PIP4K2A: variants seen among roughly 807,000 people sequenced by gnomAD.
The protein encoded by PIP4K2A is phosphatidylinositol 5-phosphate 4-kinase type-2 alpha.
A neutral mutation model predicts 42.9 loss-of-function variants in PIP4K2A; 14 were observed. The ratio of observed to expected loss-of-function variants is 0.33; its 90% confidence interval spans 0.22 to 0.51. The LOEUF is 0.51. Ranked by LOEUF, PIP4K2A falls within the 20% of genes least tolerant of loss-of-function variation. The pLI is 0.97. For missense variants in PIP4K2A, 434 were observed against 519.8 expected (o/e 0.83, Z 1.61); for synonymous variants, 192 against 192.2 (o/e 1.00, Z 0.01).
chr10:22,551,401 A>G (rs1836408030), intron 6 of PIP4K2A, among the ~76,000 whole-genome samples: 1 of 152,204 alleles, frequency 6.6e-6, no homozygotes, highest in Non-Finnish European at 1.5e-5. Flanking sequence ...TCTTAACATA[A>G]ACGTATTAAG....
At chr10:22,581,590 A>T (rs1292142013) in intron 4 of PIP4K2A, among the ~76,000 whole-genome samples, 1 of 150,510 alleles carries the variant, frequency 6.6e-6, no homozygotes, top group African/African-American at 2.4e-5. Context: ...AAAAAAAAAA[A>T]AAATTAAAAT....
intron 6 of PIP4K2A, among the ~76,000 whole-genome samples, chr10:22,563,243 A>G (rs1308233151): frequency 6.6e-6 from 1 of 152,188 alleles, no homozygotes; most frequent in East Asian, 1.9e-4. Context: ...AGTTATTAGA[A>G]ACCTCAACCA....
At chr10:22,659,126 ACTGAATGCACC>A (rs1280660189) in intron 1 of PIP4K2A, among the ~76,000 whole-genome samples, 3 of 152,248 alleles carry the variant, frequency 2.0e-5, no homozygotes, top group Admixed American at 6.5e-5. Context: ...AACAGGTTGG[ACTGAATGCACC>A]CTGGTTCCTT....
intron 3 of PIP4K2A, among the ~76,000 whole-genome samples, chr10:22,603,293 T>C (rs1250402528): frequency 6.6e-6 from 1 of 152,164 alleles, no homozygotes; most frequent in Non-Finnish European, 1.5e-5. Context: ...ATGTGTGGTC[T>C]ATTTAGGTTT....
In PIP4K2A at chr10:22,610,442, G is replaced by T. The variant is rs79083224; in HGVS notation, c.145-725C>A. 7.0e-3 allele frequency among the ~76,000 whole-genome samples: 1,073 copies of T among 152,338 alleles called. 5 individuals are homozygous for T. Among genetic ancestry groups the T allele is most frequent in the Non-Finnish European group, 0.01 (697 of 68,034 alleles). On this transcript the variant is annotated intron_variant, in intron 1 of 9. Coordinates refer to ENST00000376573, the MANE Select transcript of PIP4K2A (RefSeq NM_005028.5). ...TCTTCGTTAACTATTTTTGCATGTT[G>T]ACTTTCCTTGTTGCTAGCAATAAAA...
Position 22,714,137 on chromosome 10 carries a change from A to AGAG in PIP4K2A, c.144+43_144+45dup, listed in dbSNP as rs753149810. The AGAG allele has an allele frequency of 7.8e-6, 12 of 1,538,816 alleles. No individual in the cohort carries two copies. The African/African-American group carries it at 8.3e-5, about 11-fold the overall frequency. ...CGGAGGAGGAGGGGAACGAGGAGGA[A>AGAG]GAGGAGGAGGAGGAAGGGGACCGCG... On this transcript the variant is annotated intron_variant, in intron 1 of 9. Coordinates refer to ENST00000376573, the MANE Select transcript of PIP4K2A (RefSeq NM_005028.5).
intron 4 of PIP4K2A, 34 bp from the exon 5 acceptor site, chr10:22,573,491 T>C (rs1323671737): frequency 1.3e-6 from 2 of 1,583,050 alleles, no homozygotes; most frequent in Non-Finnish European, 1.7e-6. Context: ...GAAAAAAACA[T>C]CCAATCAAAA....
chr10:22,658,566 A>T (rs1839145212), intron 1 of PIP4K2A, among the ~76,000 whole-genome samples: 1 of 152,230 alleles, frequency 6.6e-6, no homozygotes, highest in Admixed American at 6.5e-5. Flanking sequence ...CAAGAACTGC[A>T]ATTAGAAGCT....
intron 1 of PIP4K2A, among the ~76,000 whole-genome samples, chr10:22,614,406 G>A (rs1430290659): frequency 6.6e-6 from 1 of 152,230 alleles, no homozygotes; most frequent in Non-Finnish European, 1.5e-5. Flanking sequence ...GCAGGATACT[G>A]AGTTAGATCT....
chr10:22,665,684 C>T (rs2130847074), intron 1 of PIP4K2A, among the ~76,000 whole-genome samples: 1 of 149,412 alleles, frequency 6.7e-6, no homozygotes, highest in African/African-American at 2.5e-5. Context: ...AACTCTTGGG[C>T]TCAAGCAATC....
At chr10:22,572,610 A>AG (rs1181937018) in intron 5 of PIP4K2A, among the ~76,000 whole-genome samples, 2 of 151,928 alleles carry the variant, frequency 1.3e-5, no homozygotes, top group East Asian at 1.9e-4. Context: ...TTCTCAAAAA[A>AG]AAAAGAAAAG....
chr10:22,663,598 C>T (rs1326283883), intron 1 of PIP4K2A, among the ~76,000 whole-genome samples: 4 of 151,776 alleles, frequency 2.6e-5, no homozygotes, highest in African/African-American at 9.7e-5. Context: ...TAAAAGAATA[C>T]GAAGAGAAAA....
At chr10:22,651,146 A>T (rs1319203821) in intron 1 of PIP4K2A, among the ~76,000 whole-genome samples, 2 of 152,090 alleles carry the variant, frequency 1.3e-5, no homozygotes, top group Admixed American at 1.3e-4. Context: ...GGATGAGTGG[A>T]TGTCTAGTTT....
chr10:22,634,650 A>C (rs892999860), intron 1 of PIP4K2A, among the ~76,000 whole-genome samples: 3 of 152,182 alleles, frequency 2.0e-5, no homozygotes, highest in African/African-American at 7.2e-5. Flanking sequence ...ATTCCTGTCC[A>C]AGGTCCAATT....
At chr10:22,555,862 T>C (rs1364151938) in intron 6 of PIP4K2A, among the ~76,000 whole-genome samples, 4 of 148,874 alleles carry the variant, frequency 2.7e-5, no homozygotes, top group Admixed American at 6.7e-5. Context: ...GGGCCACACA[T>C]AGAATCAGTG....
At chr10:22,695,324 T>C (rs376223771) in intron 1 of PIP4K2A, among the ~76,000 whole-genome samples, 203 of 152,338 alleles carry the variant, frequency 1.3e-3, no homozygotes, top group African/African-American at 4.7e-3. Context: ...AATTCATATA[T>C]TGAGAGCACA....
intron 1 of PIP4K2A, among the ~76,000 whole-genome samples, chr10:22,683,882 AGT>A (rs746278921): frequency 1.5e-4 from 23 of 150,024 alleles, no homozygotes; most frequent in Admixed American, 6.6e-4. Context: ...CACAATTCAA[AGT>A]GTGTCAGATC....
rs940369786 is a variant in PIP4K2A at position 22,558,229 on chromosome 10, G to C, written c.679-7457C>G. ...GTTCCTGATTTACTTGTAATTCCAAGCTCACCCAAATGAAAATAAACTTGC... is the reference window on the plus strand; with the variant it reads ...GTTCCTGATTTACTTGTAATTCCAACCTCACCCAAATGAAAATAAACTTGC... On this transcript the variant is annotated intron_variant, in intron 6 of 9. Transcript: ENST00000376573. Among the ~76,000 whole-genome samples the C allele has an allele frequency of 2.6e-5, 4 of 152,226 alleles. No individual in the cohort carries two copies. In the South Asian group the frequency reaches 8.3e-4, roughly 32 times the overall value.
chr10:22,608,199 G>A (rs1433392460), intron 2 of PIP4K2A, among the ~76,000 whole-genome samples, 176 bp from the exon 3 acceptor site: 2 of 152,198 alleles, frequency 1.3e-5, no homozygotes, highest in African/African-American at 4.8e-5. Flanking sequence ...GACACAGGGG[G>A]CCAGACGGAT....
Sources: gnomAD v4.1 joint callset for allele counts (sites outside exome capture counted in the v4.1 genomes callset) on GRCh38, gnomAD v4.1.1 for gene constraint, MANE v1.5 for transcripts, NCBI Gene and HGNC (gene_info 2026-07-23, HGNC 2026-07-21) for gene names.